The following CADM2 variants were observed in gnomAD, a reference collection of about 807,000 sequenced individuals.
CADM2 encodes immunoglobulin superfamily member 4D.
CADM2 carries 12 observed loss-of-function variants against 49.8 expected under a neutral mutation model. That is an observed-to-expected ratio of 0.24 (90% CI 0.15 to 0.39). The LOEUF (loss-of-function observed/expected upper bound fraction) is 0.39, where lower values mean the gene tolerates loss of function less well. Among genes scored for constraint, CADM2 ranks in the 10% least tolerant of loss-of-function variants. The pLI is 1.00. For synonymous variants in CADM2, 214 were observed against 175.4 expected, an observed-to-expected ratio of 1.22 and a Z score of -1.74; for missense variants, 378 against 492.3, an observed-to-expected ratio of 0.77 and a Z score of 2.20.
chr3:85,044,415 G>T (rs1358673172), intron 1 of CADM2, among the ~76,000 whole-genome samples: 3 of 152,140 alleles, frequency 2.0e-5, no homozygotes, highest in Admixed American at 2.0e-4. Flanking sequence ...AGCACTGAAT[G>T]ATGAAACTTG....
intron 1 of CADM2, among the ~76,000 whole-genome samples, chr3:85,457,338 A>G (rs2038038669): frequency 6.6e-6 from 1 of 151,972 alleles, no homozygotes; most frequent in Non-Finnish European, 1.5e-5. Flanking sequence ...GCTTGAGCCT[A>G]GGAGGTCAAG....
At chr3:85,412,976 C>G (rs2035726973) in intron 1 of CADM2, among the ~76,000 whole-genome samples, 1 of 150,996 alleles carries the variant, frequency 6.6e-6, no homozygotes, top group South Asian at 2.1e-4. Flanking sequence ...CCTGTCTCTA[C>G]TAAAAACACA....
chr3:85,921,260 C>A (rs1438265834), intron 6 of CADM2, among the ~76,000 whole-genome samples: 1 of 151,660 alleles, frequency 6.6e-6, no homozygotes, highest in African/African-American at 2.4e-5. Flanking sequence ...ATATTTAATG[C>A]CCAATATTTT....
intron 1 of CADM2, among the ~76,000 whole-genome samples, chr3:85,103,634 A>G (rs891865013): frequency 2.6e-5 from 4 of 152,216 alleles, no homozygotes. Context: ...AGCTGAATGG[A>G]AAATCATGAA....
chr3:85,907,138 G>A (rs763431620), intron 5 of CADM2, among the ~76,000 whole-genome samples: 9 of 152,130 alleles, frequency 5.9e-5, no homozygotes, highest in Admixed American at 2.0e-4. Context: ...CATGTAATGC[G>A]TATATTTTCT....
At chr3:85,486,156 A>C (rs1393831116) in intron 1 of CADM2, among the ~76,000 whole-genome samples, 1 of 152,182 alleles carries the variant, frequency 6.6e-6, no homozygotes, top group Non-Finnish European at 1.5e-5. Context: ...AATGATGTAG[A>C]CATTAAACTG....
At position 85,879,330 on chromosome 3, in the gene CADM2, C is replaced by G. The variant is rs937604190; in HGVS notation, c.239-3961C>G. ...TTTTCACATTCAATATAAATCAATT[C>G]TAAAAATATTTGCAAGTGTATATCT... On this transcript the variant is annotated intron_variant, in intron 3 of 9. Coordinates refer to ENST00000383699, the MANE Select transcript of CADM2 (RefSeq NM_001167675.2). 2.6e-5 allele frequency among the ~76,000 whole-genome samples: 4 copies of G among 151,912 alleles called. No homozygotes were observed. The South Asian group carries it at 8.3e-4, about 32-fold the overall frequency.
chr3:86,045,841 C>A (rs1161928187), intron 8 of CADM2, among the ~76,000 whole-genome samples: 6 of 152,110 alleles, frequency 3.9e-5, no homozygotes, highest in African/African-American at 1.4e-4. Context: ...TAACCCTGTA[C>A]AATAAATACC....
chr3:85,765,975 A>C (rs1317999867), intron 2 of CADM2, among the ~76,000 whole-genome samples: 1 of 152,110 alleles, frequency 6.6e-6, no homozygotes, highest in Non-Finnish European at 1.5e-5. Flanking sequence ...ATGCAAATGA[A>C]AGGGAGGAAA....
intron 1 of CADM2, among the ~76,000 whole-genome samples, chr3:85,024,418 G>C (rs979342526): frequency 6.6e-6 from 1 of 151,996 alleles, no homozygotes; most frequent in Non-Finnish European, 1.5e-5. Flanking sequence ...TGATTCTAGA[G>C]CTTATTCCCT....
At chr3:85,883,580 T>A in intron 4 of CADM2, 137 bp downstream of exon 4, 1 of 721,716 alleles carries the variant, frequency 1.4e-6, no homozygotes, top group Non-Finnish European at 2.0e-6. Flanking sequence ...TGCTACATTT[T>A]AACACAGGCG....
At chr3:85,489,281 G>C (rs1358770299) in intron 1 of CADM2, among the ~76,000 whole-genome samples, 2 of 152,070 alleles carry the variant, frequency 1.3e-5, no homozygotes, top group Non-Finnish European at 2.9e-5. Context: ...ATTTAACTTT[G>C]TTCCGATGTG....
chr3:86,000,640 C>T (rs1030822037), intron 8 of CADM2, among the ~76,000 whole-genome samples: 6 of 149,628 alleles, frequency 4.0e-5, no homozygotes, highest in Non-Finnish European at 8.9e-5. Context: ...GAGTCTTTCA[C>T]GGATAGGAAA....
intron 1 of CADM2, among the ~76,000 whole-genome samples, chr3:85,207,071 T>G (rs942879338): frequency 1.2e-4 from 18 of 151,898 alleles, no homozygotes; most frequent in Non-Finnish European, 2.4e-4. Flanking sequence ...TGTGTGTGTG[T>G]GTGTGTGTGT....
intron 1 of CADM2, among the ~76,000 whole-genome samples, chr3:85,099,269 T>C (rs1209639035): frequency 6.6e-6 from 1 of 152,044 alleles, no homozygotes; most frequent in African/African-American, 2.4e-5. Flanking sequence ...GAGAAGGAAG[T>C]GTAAAGAAAA....
At chr3:85,849,803 A>G (rs1156281769) in intron 3 of CADM2, among the ~76,000 whole-genome samples, 2 of 152,130 alleles carry the variant, frequency 1.3e-5, no homozygotes, top group African/African-American at 4.8e-5. Flanking sequence ...AATTTAGTAA[A>G]TGCTAGATTT....
At chr3:85,269,314 T>TAA (rs1204540503) in intron 1 of CADM2, among the ~76,000 whole-genome samples, 4 of 151,572 alleles carry the variant, frequency 2.6e-5, no homozygotes, top group African/African-American at 9.6e-5. Context: ...GATATAAAGT[T>TAA]AACAGCACCT....
At chr3:85,990,042 A>AAAGAAAAAAG (rs1728588988) in intron 8 of CADM2, among the ~76,000 whole-genome samples, 1 of 108,002 alleles carries the variant, frequency 9.3e-6, no homozygotes, top group African/African-American at 2.8e-5. Context: ...AAAAAAAAAA[A>AAAGAAAAAAG]AAGAAGACTA....
At chr3:86,061,955 G>A (rs1360481356) in intron 8 of CADM2, among the ~76,000 whole-genome samples, 4 of 146,784 alleles carry the variant, frequency 2.7e-5, no homozygotes, top group South Asian at 4.4e-4. Flanking sequence ...ATGCAATATG[G>A]AGAAAAGAAT....
Sources: gnomAD v4.1 joint callset for allele counts (sites outside exome capture counted in the v4.1 genomes callset) on GRCh38, gnomAD v4.1.1 for gene constraint, MANE v1.5 for transcripts, NCBI Gene and HGNC (gene_info 2026-07-23, HGNC 2026-07-21) for gene names.